Variants in SLC35F4 observed in about 807,000 individuals in gnomAD.
SLC35F4 encodes solute carrier family 35 member F4.
SLC35F4 carries 24 observed loss-of-function variants against 44.2 expected under a neutral mutation model. The observed-to-expected ratio is 0.54, with a 90% CI of 0.39 to 0.76. SLC35F4 has a LOEUF of 0.76. Among genes scored for constraint, SLC35F4 ranks in the 30% least tolerant of loss-of-function variants. The probability of loss-of-function intolerance (pLI) is 0.00; values close to 1 mark genes in which losing one functional copy is unlikely to be tolerated. For synonymous variants in SLC35F4, 238 were observed against 223.6 expected (o/e 1.06, Z -0.57); for missense variants, 562 against 586.1 (o/e 0.96, Z 0.42).
intron 4 of SLC35F4, 71 bp from the exon 5 acceptor site, chr14:57,572,090 T>C: frequency 6.5e-7 from 1 of 1,547,948 alleles, no homozygotes; most frequent in South Asian, 1.2e-5. Flanking sequence ...AATTCAAGAC[T>C]TCCTGAAAGC....
chr14:57,880,494 T>C (rs1888511726), intron 1 of SLC35F4, among the ~76,000 whole-genome samples: 1 of 152,162 alleles, frequency 6.6e-6, no homozygotes, highest in Non-Finnish European at 1.5e-5. Flanking sequence ...GAATTCTTGA[T>C]ACCAGATTGA....
chr14:57,630,969 G>A (rs2072742219), intron 1 of SLC35F4: 2 of 450,218 alleles, frequency 4.4e-6, no homozygotes, highest in Non-Finnish European at 5.9e-6. Flanking sequence ...GTGAAAAGAT[G>A]TGGTTGACCA....
intron 1 of SLC35F4, among the ~76,000 whole-genome samples, chr14:57,892,937 G>C (rs1321970321): frequency 6.6e-6 from 1 of 152,188 alleles, no homozygotes; most frequent in Non-Finnish European, 1.5e-5. Flanking sequence ...AAAAGAATCT[G>C]TGAGTAGCTC....
At chr14:57,715,619 T>G (rs1196360762) in intron 1 of SLC35F4, among the ~76,000 whole-genome samples, 1 of 152,194 alleles carries the variant, frequency 6.6e-6, no homozygotes, top group Non-Finnish European at 1.5e-5. Flanking sequence ...TGACAGTTTT[T>G]GAAGTTAAGG....
At chr14:57,751,654 C>T (rs888868537) in intron 1 of SLC35F4, among the ~76,000 whole-genome samples, 13 of 151,942 alleles carry the variant, frequency 8.6e-5, no homozygotes, top group African/African-American at 2.9e-4. Flanking sequence ...AGTTTGAAGG[C>T]AAAATGAGAT....
intron 1 of SLC35F4, among the ~76,000 whole-genome samples, chr14:57,711,609 G>T (rs1017676176): frequency 6.8e-6 from 1 of 148,080 alleles, no homozygotes; most frequent in Non-Finnish European, 1.5e-5. Flanking sequence ...ACCACCATTT[G>T]TTATGGTGCT....
At position 57,575,070 on chromosome 14, in the gene SLC35F4, C is replaced by A. The variant is rs181911187; in HGVS notation, c.808-3051G>T. Among the ~76,000 whole-genome samples, 182 of 152,260 alleles carry A rather than the reference C, an allele frequency of 1.2e-3. 1 individual carries two copies. The highest frequency in any genetic ancestry group is 2.2e-3 in the Non-Finnish European group (147 of 68,020). On this transcript the variant is annotated intron_variant, in intron 4 of 7. Transcript: ENST00000556826. ...CACATTAACATCCATGAGAGGAATTCTTCTGCTGAAAATACACCATCTAGT... is the reference window on the plus strand; with the variant it reads ...CACATTAACATCCATGAGAGGAATTATTCTGCTGAAAATACACCATCTAGT...
intron 1 of SLC35F4, among the ~76,000 whole-genome samples, chr14:57,708,151 G>A (rs2075724613): frequency 6.6e-6 from 1 of 152,114 alleles, no homozygotes; most frequent in African/African-American, 2.4e-5. Context: ...GAGATATTTT[G>A]CAGACCCTGC....
intron 1 of SLC35F4, among the ~76,000 whole-genome samples, chr14:57,675,376 G>T (rs2140285326): frequency 6.6e-6 from 1 of 152,190 alleles, no homozygotes; most frequent in Middle Eastern, 3.4e-3. Flanking sequence ...AAAGTAAGCT[G>T]GATTAGTGGA....
intron 1 of SLC35F4, among the ~76,000 whole-genome samples, chr14:57,727,600 A>G (rs1319662565): frequency 6.6e-6 from 1 of 151,218 alleles, no homozygotes; most frequent in East Asian, 1.9e-4. Context: ...TTCCATTATC[A>G]TTTGTTTCAA....
chr14:57,809,393 T>G lies in SLC35F4; in HGVS notation c.103+56330A>C, dbSNP rs114315970. Among the ~76,000 whole-genome samples, 451 of 152,286 alleles carry G rather than the reference T, an allele frequency of 3.0e-3. 1 individual carries two copies. Among genetic ancestry groups the G allele is most frequent in the African/African-American group, 0.01 (426 of 41,568 alleles). Reference sequence around the variant, plus strand: ...ATGAGTAGAAGTGATTCATGGCATTTGCAGTCCTGGCCCCTAAATAACTCC... The same window carrying G: ...ATGAGTAGAAGTGATTCATGGCATTGGCAGTCCTGGCCCCTAAATAACTCC... On this transcript the variant is annotated intron_variant, in intron 1 of 7. Coordinates refer to ENST00000556826, the MANE Select transcript of SLC35F4 (RefSeq NM_001306087.2).
intron 1 of SLC35F4, among the ~76,000 whole-genome samples, chr14:57,835,335 C>T (rs1298304518): frequency 6.6e-6 from 1 of 152,190 alleles, no homozygotes; most frequent in East Asian, 1.9e-4. Flanking sequence ...ATTAATACAG[C>T]TACTTCTCAA....
chr14:57,870,422 G>T (rs1267060925), upstream of SLC35F4, among the ~76,000 whole-genome samples: 1 of 152,026 alleles, frequency 6.6e-6, no homozygotes, highest in African/African-American at 2.4e-5. Context: ...AAATCTCTAT[G>T]ACTCAATTTT....
chr14:57,969,420 AT>A (rs1319029821), intron 1 of SLC35F4, among the ~76,000 whole-genome samples: 1 of 152,228 alleles, frequency 6.6e-6, no homozygotes, highest in Non-Finnish European at 1.5e-5. Flanking sequence ...GAACATTTTT[AT>A]TGCAAAATAA....
chr14:57,633,757 T>C (rs1450059232), intron 1 of SLC35F4, among the ~76,000 whole-genome samples: 3 of 152,122 alleles, frequency 2.0e-5, no homozygotes, highest in Non-Finnish European at 4.4e-5. Flanking sequence ...TTTGAAACCA[T>C]TATAGAAATT....
At chr14:57,971,813 T>G (rs902934903), downstream of SLC35F4, among the ~76,000 whole-genome samples, 5 of 152,226 alleles carry the variant, frequency 3.3e-5, no homozygotes, top group African/African-American at 1.2e-4. Context: ...TAGCATCTAA[T>G]GTGAGCATGG....
chr14:57,778,222 G>T (rs2077537705), intron 1 of SLC35F4, among the ~76,000 whole-genome samples: 2 of 152,176 alleles, frequency 1.3e-5, no homozygotes, highest in Admixed American at 1.3e-4. Context: ...GGCTATGCCA[G>T]CCACATGGAA....
chr14:57,783,275 T>C (rs2077672181), intron 1 of SLC35F4, among the ~76,000 whole-genome samples: 1 of 151,908 alleles, frequency 6.6e-6, no homozygotes, highest in Non-Finnish European at 1.5e-5. Flanking sequence ...TTTTTTAAAA[T>C]ATCAAGCAGC....
chr14:57,743,429 AG>A (rs1162977447), intron 1 of SLC35F4, among the ~76,000 whole-genome samples: 1 of 152,232 alleles, frequency 6.6e-6, no homozygotes, highest in Admixed American at 6.5e-5. Context: ...AACTACCATC[AG>A]GGAATACTAT....
Sources: gnomAD v4.1 joint callset for allele counts (sites outside exome capture counted in the v4.1 genomes callset) on GRCh38, gnomAD v4.1.1 for gene constraint, MANE v1.5 for transcripts, NCBI Gene and HGNC (gene_info 2026-07-23, HGNC 2026-07-21) for gene names.